CCDC40: variants seen among roughly 807,000 people sequenced by gnomAD.
CCDC40 encodes the protein coiled-coil domain-containing protein 40.
Under a neutral mutation model 124.5 loss-of-function variants are expected in CCDC40, and 104 were observed. That is an observed-to-expected ratio of 0.84 (90% CI 0.71 to 0.98). The LOEUF is 0.98. Among genes scored for constraint, CCDC40 ranks in the 50% least tolerant of loss-of-function variants. The pLI is 0.00. For missense variants in CCDC40, 1,463 were observed against 1,503.9 expected (o/e 0.97, Z 0.45); for synonymous variants, 580 against 602.9 (o/e 0.96, Z 0.56).
intron 7 of CCDC40, among the ~76,000 whole-genome samples, chr17:80,052,743 C>T (rs1180116300): frequency 3.9e-5 from 6 of 151,952 alleles, no homozygotes; most frequent in Admixed American, 1.3e-4. Context: ...ACGTTGTATC[C>T]GTAAAGAGAA....
intron 17 of CCDC40, among the ~76,000 whole-genome samples, chr17:80,093,332 C>T (rs188117687): frequency 2.1e-4 from 32 of 152,082 alleles, no homozygotes; most frequent in Admixed American, 2.0e-3. Flanking sequence ...CAGGCATGTG[C>T]CACCACACCC....
chr17:80,077,537 A>T (rs1259795724), intron 10 of CCDC40, among the ~76,000 whole-genome samples: 1 of 152,192 alleles, frequency 6.6e-6, no homozygotes, highest in Non-Finnish European at 1.5e-5. Context: ...ATAAACAATA[A>T]AACAGCTGCT....
rs1442807206 is a variant in CCDC40 at position 80,095,981 on chromosome 17, C to T, written c.3021+530C>T. ...GTCCACTGGGCCTGCACTGGGAGGG[C>T]CCAGCTGGTGCTGTCCGGTGCTTAC... On this transcript the variant is annotated intron_variant, in intron 18 of 19. Transcript: ENST00000397545. 3.2e-4 allele frequency among the ~76,000 whole-genome samples: 49 copies of T among 152,240 alleles called. 1 individual carries two copies. Among genetic ancestry groups the T allele is most frequent in the Admixed American group, 3.2e-3 (49 of 15,294 alleles).
rs2038670393 is a variant in CCDC40 at position 80,090,062 on chromosome 17, G to A, written c.2832+178G>A. On this transcript the variant is annotated intron_variant, in intron 17 of 19. Coordinates refer to ENST00000397545, the MANE Select transcript of CCDC40 (RefSeq NM_017950.4). Reference sequence around the variant, plus strand: ...GCGACCCGCTCCAGCAGAGTGACCTGCACTCCAGCCGAGCACTGGCAAAGC... The same window carrying A: ...GCGACCCGCTCCAGCAGAGTGACCTACACTCCAGCCGAGCACTGGCAAAGC... The A allele has an allele frequency of 9.1e-6, 14 of 1,536,914 alleles. No homozygotes were observed. The South Asian group carries it at 1.5e-4, about 17-fold the overall frequency.
rs2038043197 is a variant in CCDC40, at chr17:80,066,223, G to T, written c.1562+617G>T. The T allele has an allele frequency of 2.8e-6, 2 of 702,566 alleles. No homozygotes were observed. The allele number at this position is 702,566 out of a possible 1,614,324, so 43.5% of individuals were successfully genotyped here. ...TTTAACTTCCCCTCCACCTTTCGTA[G>T]TCTCCACCCCTTGTGCCCAGCACAG... On this transcript the variant is annotated intron_variant, in intron 10 of 19. Transcript: ENST00000397545. This position sits in a 1 kb window ranked among gnomAD's most constrained non-coding sequence, Gnocchi z 4.4.
chr17:80,079,975 C>A (rs1480850554), intron 10 of CCDC40, among the ~76,000 whole-genome samples: 1 of 151,534 alleles, frequency 6.6e-6, no homozygotes, highest in Non-Finnish European at 1.5e-5. Context: ...CCTGTAATTC[C>A]AACACTTTGG....
At chr17:80,042,357 T>A (rs1401699206) in intron 3 of CCDC40, among the ~76,000 whole-genome samples, 1 of 152,182 alleles carries the variant, frequency 6.6e-6, no homozygotes, top group Non-Finnish European at 1.5e-5. Flanking sequence ...TGCCCACAAA[T>A]GATCTGCCTG....
At chr17:80,099,328 G>C (rs1368160231) in intron 19 of CCDC40, among the ~76,000 whole-genome samples, 199 bp from the exon 20 acceptor site, 2 of 151,744 alleles carry the variant, frequency 1.3e-5, no homozygotes, top group African/African-American at 4.8e-5. Flanking sequence ...GGTGATGATG[G>C]GTGACCCATA....
chr17:80,072,350 T>C (rs976298728), intron 10 of CCDC40, among the ~76,000 whole-genome samples: 9 of 152,202 alleles, frequency 5.9e-5, no homozygotes, highest in Non-Finnish European at 1.0e-4. Context: ...AAAAATACCA[T>C]CGACTTTCTC....
At position 80,058,749 on chromosome 17, in the gene CCDC40, G is replaced by A. The variant is rs954250862; in HGVS notation, c.1317+98G>A. ...TCCTGCGTGAAGGCTTCCGGCCGGA[G>A]GGGTGGCGGCCGGCCTGGGTGGCGT... On this transcript the variant is annotated intron_variant, in intron 8 of 19. Transcript: ENST00000397545. The surrounding 1 kb of genome is among the most constrained non-coding windows in gnomAD (Gnocchi z 4.2). The A allele has an allele frequency of 6.2e-7, 1 of 1,601,890 alleles. No individual in the cohort carries two copies. Among genetic ancestry groups the A allele is most frequent in the Non-Finnish European group, 8.6e-7 (1 of 1,169,386 alleles).
chr17:80,046,764 C>T (rs2037430277), intron 3 of CCDC40, among the ~76,000 whole-genome samples: 2 of 152,172 alleles, frequency 1.3e-5, no homozygotes, highest in South Asian at 4.1e-4. Context: ...CTCTTCTCTC[C>T]TTTCAAACCA....
intron 2 of CCDC40, 24 bp from the exon 3 acceptor site, chr17:80,039,788 T>A: frequency 6.2e-7 from 1 of 1,612,628 alleles, no homozygotes; most frequent in Non-Finnish European, 8.5e-7. Context: ...GTTTCCTGAT[T>A]TTTTTCCTGC....
intron 17 of CCDC40, among the ~76,000 whole-genome samples, chr17:80,091,226 A>G (rs1049095699): frequency 6.6e-6 from 1 of 151,746 alleles, no homozygotes; most frequent in Non-Finnish European, 1.5e-5. Context: ...GTTGTTTCCA[A>G]TTTGTTGTTG....
At chr17:80,067,598 A>AAGCTTCCTGCCCGGGGC (rs2038079048) in intron 10 of CCDC40, 1 of 1,536,028 alleles carries the variant, frequency 6.5e-7, no homozygotes, top group Non-Finnish European at 8.7e-7. Flanking sequence ...TTCTACGGGG[A>AAGCTTCCTGCCCGGGGC]AGCTTCCTGC....
chr17:80,065,666 C>CA (rs1216960131), intron 10 of CCDC40, 60 bp downstream of exon 10: 9 of 1,601,826 alleles, frequency 5.6e-6, no homozygotes, highest in Non-Finnish European at 7.7e-6. Context: ...GTGGCAGGCC[C>CA]GCCCCACACC....
chr17:80,082,921 G>T (rs2038492982), intron 12 of CCDC40, among the ~76,000 whole-genome samples: 2 of 152,232 alleles, frequency 1.3e-5, no homozygotes, highest in Non-Finnish European at 2.9e-5. Flanking sequence ...GCTGAAAAGA[G>T]TACCCCCGAC....
chr17:80,057,972 A>G (rs908832276), intron 7 of CCDC40, among the ~76,000 whole-genome samples: 2 of 151,942 alleles, frequency 1.3e-5, no homozygotes, highest in Non-Finnish European at 2.9e-5. Context: ...TAAATCTGTC[A>G]CTTAACTTGG....
intron 7 of CCDC40, among the ~76,000 whole-genome samples, chr17:80,055,336 A>G (rs1488160205): frequency 3.9e-5 from 6 of 152,208 alleles, no homozygotes; most frequent in African/African-American, 1.4e-4. Context: ...ACAGTAAGAA[A>G]TCAATAAAGT....
chr17:80,072,411 A>G (rs4889951), intron 10 of CCDC40, among the ~76,000 whole-genome samples: 124,337 of 152,160 alleles, frequency 0.82, 51,390 homozygotes, highest in African/African-American at 0.95. Flanking sequence ...TCAGGCACAC[A>G]TTTCCCCGAG....
Sources: gnomAD v4.1 joint callset for allele counts (sites outside exome capture counted in the v4.1 genomes callset) on GRCh38, gnomAD v4.1.1 for gene constraint, Gnocchi (gnomAD v3.1) non-coding constraint, MANE v1.5 for transcripts, NCBI Gene and HGNC (gene_info 2026-07-23, HGNC 2026-07-21) for gene names.